NSMCE3: variants seen among roughly 807,000 people sequenced by gnomAD.
NSMCE3 encodes non-structural maintenance of chromosomes element 3 homolog.
For missense variants in NSMCE3, 452 were observed against 399.5 expected (o/e 1.13, Z -1.12); for synonymous variants, 214 against 172.2 (o/e 1.24, Z -1.90).
In NSMCE3 at chr15:29,268,764, T is replaced by C. The variant is rs766398788; in HGVS notation, c.*27A>G. On this transcript the variant is annotated 3_prime_UTR_variant, in exon 1 of 1. Transcript: ENST00000332303. Reference sequence around the variant, plus strand: ...TGTGCCTTTGGGTCTCAGACCCTTGTCCCGGGGGTCCCTCTGAATCCACCT... The same window carrying C: ...TGTGCCTTTGGGTCTCAGACCCTTGCCCCGGGGGTCCCTCTGAATCCACCT... 2.5e-6 allele frequency: 4 copies of C among 1,574,058 alleles called. No individual in the cohort carries two copies. The highest frequency in any genetic ancestry group is 3.4e-6 in the Non-Finnish European group (4 of 1,160,898).
In NSMCE3 at chr15:29,265,166, T is replaced by C. The variant is rs1157099992; in HGVS notation, c.*3625A>G. On this transcript the variant is annotated 3_prime_UTR_variant, in exon 1 of 1. Coordinates refer to ENST00000332303, the MANE Select transcript of NSMCE3 (RefSeq NM_138704.4). ...GGAAAAAAACTCTTAACAGCAAACA[T>C]CACACTCTATGGCAAAACTTAAAAT... 1 of 152,062 alleles carries C rather than the reference T, an allele frequency of 6.6e-6. No individual in the cohort carries two copies. Among genetic ancestry groups the C allele is most frequent in the Admixed American group, 6.6e-5 (1 of 15,266 alleles). 9.4% of individuals were successfully genotyped at this position (152,062 alleles called of 1,614,324 possible).
chr15:29,269,154 C>A lies in NSMCE3; in HGVS notation c.552G>T (p.Gly184=). The A allele has an allele frequency of 6.2e-7, 1 of 1,614,108 alleles. No individual in the cohort carries two copies. Among genetic ancestry groups the A allele is most frequent in the Non-Finnish European group, 8.5e-7 (1 of 1,180,020 alleles). ...TGGTGTTGCCCTTCATAAAGATGAG[C>A]CCTAAGACGATCATCAGGAGGCCCG... ...PTTGLLMIVL[G]LIFMKGNTIK... Residue 184 remains glycine, a synonymous_variant, in exon 1 of 1, where the codon GGG becomes GGT. Transcript: ENST00000332303.
rs1189990202 is a variant in NSMCE3, at chr15:29,269,357, C to G, written c.349G>C (p.Gly117Arg). Residue 117 changes from glycine (G) to arginine (R), a missense_variant, in exon 1 of 1, where the codon GGG becomes CGG. Gly to Arg is a moderately radical substitution (Grantham distance 125). Coordinates refer to ENST00000332303, the MANE Select transcript of NSMCE3 (RefSeq NM_138704.4). ...TCGGGGAAGATGTCCTTGTAGTCCCCGATGACGTGCTTCAGTATGTCGGCC... is the reference window on the plus strand; with the variant it reads ...TCGGGGAAGATGTCCTTGTAGTCCCGGATGACGTGCTTCAGTATGTCGGCC... ...KRADILKHVI[G>R]DYKDIFPDLF... 2 of 1,614,184 alleles carry G rather than the reference C, an allele frequency of 1.2e-6. No individual in the cohort carries two copies. Among genetic ancestry groups the G allele is most frequent in the East Asian group, 2.2e-5 (1 of 44,854 alleles).
Position 29,268,724 on chromosome 15 carries a change from C to G in NSMCE3, c.*67G>C. The G allele has an allele frequency of 6.7e-7, 1 of 1,502,252 alleles. No homozygotes were observed. The highest frequency in any genetic ancestry group is 8.9e-7 in the Non-Finnish European group (1 of 1,118,480). 93.1% of individuals were successfully genotyped at this position (1,502,252 alleles called of 1,614,324 possible). A position where few individuals can be genotyped will look rare whatever the true frequency, so the allele number is the denominator to read the frequency against. On this transcript the variant is annotated 3_prime_UTR_variant, in exon 1 of 1. Transcript: ENST00000332303. ...GCTCCCTGGGTTCGTTCTCCCTTCCCCCAATCCTCTAAACTGTGCCTTTGG... is the reference window on the plus strand; with the variant it reads ...GCTCCCTGGGTTCGTTCTCCCTTCCGCCAATCCTCTAAACTGTGCCTTTGG...
chr15:29,265,921 A>C lies in NSMCE3; in HGVS notation c.*2870T>G, dbSNP rs1258038756. 1 of 152,262 alleles carries C rather than the reference A, an allele frequency of 6.6e-6. No individual in the cohort carries two copies. The highest frequency in any genetic ancestry group is 1.5e-5 in the Non-Finnish European group (1 of 68,048). The allele number at this position is 152,262 out of a possible 1,614,324, so 9.4% of individuals were successfully genotyped here. On this transcript the variant is annotated 3_prime_UTR_variant, in exon 1 of 1. Coordinates refer to ENST00000332303, the MANE Select transcript of NSMCE3 (RefSeq NM_138704.4). ...CACTTAGGGAAAAAAGGCAGAAAACATATTTACAATTTTAGGATTAGGGGA... is the reference window on the plus strand; with the variant it reads ...CACTTAGGGAAAAAAGGCAGAAAACCTATTTACAATTTTAGGATTAGGGGA...
At position 29,269,789 on chromosome 15, in the gene NSMCE3, G is replaced by A. The variant is rs554783896; in HGVS notation, c.-84C>T. 65 of 1,274,210 alleles carry A rather than the reference G, an allele frequency of 5.1e-5. No individual in the cohort carries two copies. In the African/African-American group the frequency reaches 6.5e-4, roughly 13 times the overall value. 78.9% of individuals were successfully genotyped at this position (1,274,210 alleles called of 1,614,324 possible). On this transcript the variant is annotated 5_prime_UTR_variant, in exon 1 of 1. Transcript: ENST00000332303. ...GCGGGTCGGCGACCCGCTAACGCCG[G>A]TGCCTGGAGGCGCGCGCAGTGTCGG...
In NSMCE3 at chr15:29,269,199, A is replaced by G; in HGVS notation, c.507T>C (p.Gly169=). 2 of 1,613,930 alleles carry G rather than the reference A, an allele frequency of 1.2e-6. No individual in the cohort carries two copies. The highest frequency in any genetic ancestry group is 1.7e-6 in the Non-Finnish European group (2 of 1,180,006). ...GGCCCGTAGTGGGCGTGCCTTGGTCACCCCTCATCTCGGCATCCTCCTCCA... is the reference window on the plus strand; with the variant it reads ...GGCCCGTAGTGGGCGTGCCTTGGTCGCCCCTCATCTCGGCATCCTCCTCCA... ...EPVEEDAEMR[G]DQGTPTTGLL... The change falls in exon 1 of 1, where the codon GGT becomes GGC. Residue 169 remains glycine, a synonymous_variant. Coordinates refer to ENST00000332303, the MANE Select transcript of NSMCE3 (RefSeq NM_138704.4).
chr15:29,267,652 T>C lies in NSMCE3; in HGVS notation c.*1139A>G, dbSNP rs1313278260. The C allele has an allele frequency of 2.0e-5, 3 of 152,098 alleles. No homozygotes were observed. Among genetic ancestry groups the C allele is most frequent in the African/African-American group, 4.8e-5 (2 of 41,398 alleles). 9.4% of individuals were successfully genotyped at this position (152,098 alleles called of 1,614,324 possible). ...ATACACGTTATATTTCCCCATACAA[T>C]AGAGTGAGACTAGAGGACTATCTTT... On this transcript the variant is annotated 3_prime_UTR_variant, in exon 1 of 1. Coordinates refer to ENST00000332303, the MANE Select transcript of NSMCE3 (RefSeq NM_138704.4).
Position 29,268,787 on chromosome 15 carries a change from C to T in NSMCE3, c.*4G>A, listed in dbSNP as rs1467635174. 6.3e-7 allele frequency: 1 copy of T among 1,598,402 alleles called. No individual in the cohort carries two copies. Among genetic ancestry groups the T allele is most frequent in the Non-Finnish European group, 8.5e-7 (1 of 1,171,184 alleles). On this transcript the variant is annotated 3_prime_UTR_variant, in exon 1 of 1. Transcript: ENST00000332303. ...TGTCCCGGGGGTCCCTCTGAATCCA[C>T]CTTTCAAGAGGATGGAGCTGGGCCA...
rs1481265646 is a variant in NSMCE3 at position 29,269,530 on chromosome 15, C to T, written c.176G>A (p.Gly59Glu). 2.0e-6 allele frequency: 3 copies of T among 1,525,560 alleles called. No individual in the cohort carries two copies. Among genetic ancestry groups the T allele is most frequent in the African/African-American group, 1.4e-5 (1 of 69,242 alleles). 94.5% of individuals were successfully genotyped at this position (1,525,560 alleles called of 1,614,324 possible). Residue 59 changes from glycine (G) to glutamate (E), a missense_variant, in exon 1 of 1, where the codon GGG becomes GAG. By Grantham distance (98) the Gly-to-Glu change is moderately conservative (BLOSUM62 -2). Coordinates refer to ENST00000332303, the MANE Select transcript of NSMCE3 (RefSeq NM_138704.4). Reference protein sequence around the residue: ...STSRGPGGSQGSQGPSPQGAR... With the variant: ...STSRGPGGSQESQGPSPQGAR... ...GCCCTGAGGCGAGGGGCCCTGCGAC[C>T]CCTGCGAGCCGCCCGGCCCGCGGGA...
At position 29,269,478 on chromosome 15, in the gene NSMCE3, G is replaced by C. The variant is rs150410889; in HGVS notation, c.228C>G (p.Ala76=). 2.1e-4 allele frequency: 338 copies of C among 1,611,446 alleles called. 1 individual carries two copies. The highest frequency in any genetic ancestry group is 4.2e-4 in the South Asian group (38 of 90,976). The change falls in exon 1 of 1, where the codon GCC becomes GCG. Residue 76 remains alanine, a synonymous_variant. Transcript: ENST00000332303. ...QGARRAQAAP[A]VGPRSQKQLE... ...GCTGCTTCTGGCTCCTGGGCCCCACGGCGGGGGCGGCCTGGGCCCGGCGGG... is the reference window on the plus strand; with the variant it reads ...GCTGCTTCTGGCTCCTGGGCCCCACCGCGGGGGCGGCCTGGGCCCGGCGGG...
At position 29,268,865 on chromosome 15, in the gene NSMCE3, G is replaced by A; in HGVS notation, c.841C>T (p.Gln281Ter). The A allele has an allele frequency of 6.2e-7, 1 of 1,614,092 alleles. No individual in the cohort carries two copies. Among genetic ancestry groups the A allele is most frequent in the Non-Finnish European group, 8.5e-7 (1 of 1,180,014 alleles). The change falls in exon 1 of 1, where the codon CAG becomes TAG. Residue 281 changes from glutamine (Q) to a stop codon, truncating the protein, a stop_gained. Transcript: ENST00000332303. LOFTEE classifies it low-confidence loss of function (END_TRUNC). ...TCATCTGCCAAAGCCTCACAGTACTGCGCTGGCCAGTCCTTGGGGTCTTGA... is the reference window on the plus strand; with the variant it reads ...TCATCTGCCAAAGCCTCACAGTACTACGCTGGCCAGTCCTTGGGGTCTTGA... ...HNQDPKDWPAQYCEALADEEN... is the reference protein window; with the variant it reads ...HNQDPKDWPA
In NSMCE3 at chr15:29,266,520, G is replaced by A. The variant is rs553502046; in HGVS notation, c.*2271C>T. The A allele has an allele frequency of 2.0e-5, 3 of 152,274 alleles. No individual in the cohort carries two copies. In the South Asian group the frequency reaches 6.2e-4, roughly 32 times the overall value. 9.4% of individuals were successfully genotyped at this position (152,274 alleles called of 1,614,324 possible). A position where few individuals can be genotyped will look rare whatever the true frequency, so the allele number is the denominator to read the frequency against. The stretch of plus-strand genomic sequence containing the variant: ...AAGACCTTAAATGTCCAGACATTAA[G>A]GAATGGATAGTTATTTTTCCCCCAT... On this transcript the variant is annotated 3_prime_UTR_variant, in exon 1 of 1. Coordinates refer to ENST00000332303, the MANE Select transcript of NSMCE3 (RefSeq NM_138704.4).
In NSMCE3 at chr15:29,265,270, T is replaced by C. The variant is rs1349492289; in HGVS notation, c.*3521A>G. ...TAACTGCTTCTTTTCAATAATATAT[T>C]GCATTTTCAGCCAATGCAAAAAAGA... On this transcript the variant is annotated 3_prime_UTR_variant, in exon 1 of 1. Transcript: ENST00000332303. 6.6e-6 allele frequency: 1 copy of C among 152,192 alleles called. No individual in the cohort carries two copies. The highest frequency in any genetic ancestry group is 1.5e-5 in the Non-Finnish European group (1 of 68,026). The allele number at this position is 152,192 out of a possible 1,614,324, so 9.4% of individuals were successfully genotyped here. A position where few individuals can be genotyped will look rare whatever the true frequency, so the allele number is the denominator to read the frequency against.
Position 29,268,743 on chromosome 15 carries a change from C to A in NSMCE3, c.*48G>T. 9 of 1,543,570 alleles carry A rather than the reference C, an allele frequency of 5.8e-6. No homozygotes were observed. The highest frequency in any genetic ancestry group is 7.0e-6 in the Non-Finnish European group (8 of 1,146,068). ...CCTTCCCCCAATCCTCTAAACTGTG[C>A]CTTTGGGTCTCAGACCCTTGTCCCG... On this transcript the variant is annotated 3_prime_UTR_variant, in exon 1 of 1. Transcript: ENST00000332303.
rs1375931407 is a variant in NSMCE3 at position 29,268,137 on chromosome 15, A to C, written c.*654T>G. The stretch of plus-strand genomic sequence containing the variant: ...TTCTCTCATGACCCACGATTTAAAA[A>C]ACACACAATGCTTAAGTGCTTCAAA... On this transcript the variant is annotated 3_prime_UTR_variant, in exon 1 of 1. Transcript: ENST00000332303. 4.6e-5 allele frequency: 7 copies of C among 152,220 alleles called. No individual in the cohort carries two copies. Among genetic ancestry groups the C allele is most frequent in the Non-Finnish European group, 7.3e-5 (5 of 68,040 alleles). 9.4% of individuals were successfully genotyped at this position (152,220 alleles called of 1,614,324 possible).
Position 29,269,183 on chromosome 15 carries a change from TG to T in NSMCE3, c.522del (p.Thr175LeufsTer5). Reference protein sequence around the residue: ...DAEMRGDQGTPTTGLLMIVLG... With the variant: ...DAEMRGDQGTXTTGLLMIVLG... ...AAGACGATCATCAGGAGGCCCGTAG[TG>T]GGCGTGCCTTGGTCACCCCTCATCT... On this transcript the variant is annotated frameshift_variant, in exon 1 of 1. Transcript: ENST00000332303. LOFTEE classifies it low-confidence loss of function (END_TRUNC). 1 of 1,614,180 alleles carries T rather than the reference TG, an allele frequency of 6.2e-7. No homozygotes were observed. The highest frequency in any genetic ancestry group is 1.1e-5 in the South Asian group (1 of 91,088).
rs776673697 is a variant in NSMCE3, at chr15:29,269,191, C to T, written c.515G>A (p.Gly172Asp). The T allele has an allele frequency of 6.2e-7, 1 of 1,614,114 alleles. No individual in the cohort carries two copies. The highest frequency in any genetic ancestry group is 1.7e-5 in the Admixed American group (1 of 60,024). ...EEDAEMRGDQ[G>D]TPTTGLLMIV... ...CATCAGGAGGCCCGTAGTGGGCGTGCCTTGGTCACCCCTCATCTCGGCATC... is the reference window on the plus strand; with the variant it reads ...CATCAGGAGGCCCGTAGTGGGCGTGTCTTGGTCACCCCTCATCTCGGCATC... The change falls in exon 1 of 1, where the codon GGC (glycine) becomes GAC (aspartate). Residue 172 changes from glycine to aspartate, a missense_variant. Coordinates refer to ENST00000332303, the MANE Select transcript of NSMCE3 (RefSeq NM_138704.4).
chr15:29,269,435 C>G lies in NSMCE3; in HGVS notation c.271G>C (p.Glu91Gln). 6.2e-7 allele frequency: 1 copy of G among 1,614,070 alleles called. No individual in the cohort carries two copies. Reference sequence around the variant, plus strand: ...TTAATCAGCAAGAACTGCACCAGCTCGGACACTTTCAGCTCCAGCTGCTTC... The same window carrying G: ...TTAATCAGCAAGAACTGCACCAGCTGGGACACTTTCAGCTCCAGCTGCTTC... ...SQKQLELKVS[E>Q]LVQFLLIKDQ... Residue 91 changes from glutamate to glutamine, a missense_variant, in exon 1 of 1, where the codon GAG (glutamate) becomes CAG (glutamine). By Grantham distance (29) the Glu-to-Gln change is conservative. Coordinates refer to ENST00000332303, the MANE Select transcript of NSMCE3 (RefSeq NM_138704.4).
Sources: gnomAD v4.1 joint callset for allele counts on GRCh38, gnomAD v4.1.1 for gene constraint, MANE v1.5 for transcripts, NCBI Gene and HGNC (gene_info 2026-07-23, HGNC 2026-07-21) for gene names.